Variants in ATP2B4 observed in about 807,000 individuals in gnomAD.
The protein encoded by ATP2B4 is ATPase plasma membrane Ca2+ transporting 4.
ATP2B4 carries 39 observed loss-of-function variants against 110.3 expected under a neutral mutation model. The ratio of observed to expected loss-of-function variants is 0.35; its 90% CI spans 0.27 to 0.46. The LOEUF (loss-of-function observed/expected upper bound fraction) is 0.46. Among genes scored for constraint, ATP2B4 ranks in the 20% least tolerant of loss-of-function variants. The probability of loss-of-function intolerance (pLI) is 1.00; values close to 1 mark genes in which losing one functional copy is unlikely to be tolerated. For synonymous variants in ATP2B4, 538 were observed against 571.7 expected, an observed-to-expected ratio of 0.94 and a Z score of 0.84; for missense variants, 1,135 against 1,530.9, an observed-to-expected ratio of 0.74 and a Z score of 4.32.
chr1:203,737,807 C>T (rs527714484), intron 20 of ATP2B4, among the ~76,000 whole-genome samples: 1 of 152,210 alleles, frequency 6.6e-6, no homozygotes, highest in East Asian at 1.9e-4. Flanking sequence ...CTTTGAGCAC[C>T]CTCAGTCTTG....
Position 203,724,006 on chromosome 1 carries a change from C to A in ATP2B4, c.3132+18C>A. 6.3e-7 allele frequency: 1 copy of A among 1,586,868 alleles called. No homozygotes were observed. Among genetic ancestry groups the A allele is most frequent in the Admixed American group, 1.8e-5 (1 of 56,840 alleles). ...GGGGCCAGGTGAGTACCGGCACACC[C>A]TCCTGGTGCATTCTCACAGCCTGCA... On this transcript the variant is annotated intron_variant, in intron 19 of 20. Coordinates refer to ENST00000357681, the MANE Select transcript of ATP2B4 (RefSeq NM_001684.5).
At chr1:203,673,888 G>A (rs1174682779) in intron 1 of ATP2B4, among the ~76,000 whole-genome samples, 1 of 152,130 alleles carries the variant, frequency 6.6e-6, no homozygotes, top group Admixed American at 6.5e-5. Flanking sequence ...GTAGCCCAGG[G>A]AGATGACCCC....
At chr1:203,715,185 G>A (rs1666125515) in intron 15 of ATP2B4, among the ~76,000 whole-genome samples, 1 of 151,466 alleles carries the variant, frequency 6.6e-6, no homozygotes, top group East Asian at 1.9e-4. Flanking sequence ...TGAGGTAGGA[G>A]AATCACTTGA....
chr1:203,708,192 A>G (rs1236444418), intron 10 of ATP2B4, 88 bp downstream of exon 10: 23 of 1,554,410 alleles, frequency 1.5e-5, no homozygotes, highest in Non-Finnish European at 1.9e-5. Flanking sequence ...TATTGTTTAC[A>G]CTGCCTAAAT....
rs1663193436 is a variant in ATP2B4 at position 203,629,470 on chromosome 1, T to C, written c.-465+2251T>C. Among the ~76,000 whole-genome samples the C allele has an allele frequency of 6.6e-6, 1 of 152,160 alleles. No individual in the cohort carries two copies. Among genetic ancestry groups the C allele is most frequent in the Non-Finnish European group, 1.5e-5 (1 of 68,022 alleles). On this transcript the variant is annotated intron_variant, in intron 1 of 20. Coordinates refer to ENST00000357681, the MANE Select transcript of ATP2B4 (RefSeq NM_001684.5). This position sits in a 1 kb window ranked among gnomAD's most constrained non-coding sequence, Gnocchi z 4.6. Reference sequence around the variant, plus strand: ...CGATGTTGGTGGGCTCGGGGACGGCTTCTCCGTGAGGTCGTTATTTAGCGC... The same window carrying C: ...CGATGTTGGTGGGCTCGGGGACGGCCTCTCCGTGAGGTCGTTATTTAGCGC...
At chr1:203,671,891 A>G (rs1369010356) in intron 1 of ATP2B4, among the ~76,000 whole-genome samples, 1 of 152,228 alleles carries the variant, frequency 6.6e-6, no homozygotes, top group Admixed American at 6.5e-5. Flanking sequence ...CCCTCCAGCT[A>G]GAGTGAGCAG....
chr1:203,723,859 G>C (rs1666422547), intron 18 of ATP2B4, 22 bp from the exon 19 acceptor site: 1 of 1,572,496 alleles, frequency 6.4e-7, no homozygotes, highest in Admixed American at 1.8e-5. Flanking sequence ...TTGATGGTGG[G>C]CTGCCCCTTT....
intron 1 of ATP2B4, among the ~76,000 whole-genome samples, chr1:203,659,494 C>T (rs779544021): frequency 4.6e-5 from 7 of 151,806 alleles, no homozygotes; most frequent in East Asian, 1.9e-4. Context: ...CACAGCAAAA[C>T]GTTGTCTCTA....
intron 20 of ATP2B4, 25 bp downstream of exon 20, chr1:203,727,596 C>T (rs759863324): frequency 5.0e-6 from 8 of 1,609,952 alleles, no homozygotes; most frequent in Non-Finnish European, 8.5e-7. Context: ...GTCTGTCCTT[C>T]CCTTGGGAGA....
chr1:203,679,902 A>C (rs959080361), intron 1 of ATP2B4, among the ~76,000 whole-genome samples: 7 of 151,982 alleles, frequency 4.6e-5, no homozygotes, highest in Non-Finnish European at 7.4e-5. Context: ...AACAAAAAAA[A>C]CACAAAATAT....
At chr1:203,702,253 G>A (rs1246459863) in intron 7 of ATP2B4, among the ~76,000 whole-genome samples, 174 bp downstream of exon 7, 2 of 152,134 alleles carry the variant, frequency 1.3e-5, no homozygotes, top group African/African-American at 4.8e-5. Context: ...TCAAGGTCCT[G>A]ATCCCAATCT....
intron 1 of ATP2B4, among the ~76,000 whole-genome samples, chr1:203,650,884 AT>A (rs1159806697): frequency 2.0e-5 from 3 of 152,216 alleles, no homozygotes; most frequent in South Asian, 2.1e-4. Flanking sequence ...GTTGATTGAT[AT>A]TTTTTTATTA....
chr1:203,725,904 CTTTTT>C (rs756184004), intron 19 of ATP2B4, among the ~76,000 whole-genome samples: 4 of 93,382 alleles, frequency 4.3e-5, no homozygotes, highest in Non-Finnish European at 5.9e-5. Context: ...CTTTTCTTTT[CTTTTT>C]TTTTTTTTTT....
chr1:203,702,356 A>G (rs1166161181), intron 7 of ATP2B4, among the ~76,000 whole-genome samples: 1 of 152,104 alleles, frequency 6.6e-6, no homozygotes, highest in Non-Finnish European at 1.5e-5. Flanking sequence ...TGCTCTTCCT[A>G]GGGAGCTGAA....
chr1:203,735,002 C>CAAAAAAAAAAAAAAA (rs35552196), intron 20 of ATP2B4, among the ~76,000 whole-genome samples: 10 of 57,124 alleles, frequency 1.8e-4, no homozygotes, highest in South Asian at 8.8e-4. Flanking sequence ...GACTCCATCT[C>CAAAAAAAAAAAAAAA]AAAAAAAAAA....
chr1:203,636,267 T>C (rs12029011), intron 1 of ATP2B4, among the ~76,000 whole-genome samples: 34,505 of 152,156 alleles, frequency 0.23, 4,465 homozygotes, highest in East Asian at 0.36. Flanking sequence ...TTCTAGGCAC[T>C]CCCTTGGCAA....
intron 1 of ATP2B4, among the ~76,000 whole-genome samples, chr1:203,631,518 C>T (rs1020289495): frequency 6.6e-6 from 1 of 152,154 alleles, no homozygotes; most frequent in African/African-American, 2.4e-5. Context: ...TAGCTTAGAA[C>T]ACCTCATGGC....
chr1:203,694,335 C>G (rs1371371871), intron 2 of ATP2B4, among the ~76,000 whole-genome samples: 1 of 152,078 alleles, frequency 6.6e-6, no homozygotes, highest in Non-Finnish European at 1.5e-5. Flanking sequence ...GTGAGAAGAC[C>G]TGTGGAGGGA....
At chr1:203,690,479 C>T (rs986680488) in intron 2 of ATP2B4, among the ~76,000 whole-genome samples, 1 of 152,170 alleles carries the variant, frequency 6.6e-6, no homozygotes, top group Non-Finnish European at 1.5e-5. Flanking sequence ...GACCGCTGCT[C>T]TAAAGCACGG....
Sources: allele counts gnomAD v4.1 joint callset (sites outside exome capture counted in the v4.1 genomes callset), GRCh38; gene constraint gnomAD v4.1.1; non-coding constraint Gnocchi (gnomAD v3.1); transcripts MANE v1.5; gene names NCBI Gene and HGNC (gene_info 2026-07-23, HGNC 2026-07-21).